Variants in GRIK1 observed in about 807,000 individuals in gnomAD.
GRIK1 encodes glutamate receptor ionotropic, kainate 1.
GRIK1 carries 69 observed loss-of-function variants against 105.7 expected under a neutral mutation model. The observed-to-expected ratio is 0.65, with a 90% CI of 0.54 to 0.80. The LOEUF (loss-of-function observed/expected upper bound fraction) is 0.80. Among genes scored for constraint, GRIK1 ranks in the 30% least tolerant of loss-of-function variants. GRIK1 has a pLI of 0.00. For synonymous variants in GRIK1, 438 were observed against 431.3 expected (o/e 1.02, Z -0.19); for missense variants, 1,109 against 1,167.3 (o/e 0.95, Z 0.73).
chr21:29,839,051 T>TTTC (rs1057161186), intron 1 of GRIK1, among the ~76,000 whole-genome samples: 17 of 151,924 alleles, frequency 1.1e-4, no homozygotes, highest in Middle Eastern at 6.8e-3. Flanking sequence ...TTTCTTTTCT[T>TTTC]TTCTTTTCTT....
intron 1 of GRIK1, among the ~76,000 whole-genome samples, chr21:29,786,420 G>C (rs181906162): frequency 1.3e-5 from 2 of 152,280 alleles, no homozygotes; most frequent in Non-Finnish European, 2.9e-5. Flanking sequence ...CACATTCTCA[G>C]TTTCTGGGGG....
chr21:29,679,335 G>A (rs563081902), intron 3 of GRIK1, among the ~76,000 whole-genome samples: 1 of 152,268 alleles, frequency 6.6e-6, no homozygotes, highest in East Asian at 1.9e-4. Context: ...GTGATGTGTT[G>A]AGAAAAATGA....
intron 3 of GRIK1, among the ~76,000 whole-genome samples, chr21:29,677,694 T>C (rs767109983): frequency 9.2e-5 from 14 of 152,172 alleles, no homozygotes; most frequent in Non-Finnish European, 2.1e-4. Context: ...TGAAGTCTGC[T>C]CCATGCCTTA....
At chr21:29,555,014 A>T (rs878900582) in intron 16 of GRIK1, 38 bp downstream of exon 16, 1 of 1,541,094 alleles carries the variant, frequency 6.5e-7, no homozygotes, top group South Asian at 1.2e-5. Context: ...AGATAATGCA[A>T]ACTATAAACT....
chr21:29,659,466 C>T lies in GRIK1; in HGVS notation c.727-4603G>A, dbSNP rs924332440. 3.9e-5 allele frequency among the ~76,000 whole-genome samples: 6 copies of T among 152,334 alleles called. No homozygotes were observed. In the South Asian group the frequency reaches 1.0e-3, roughly 26 times the overall value. On this transcript the variant is annotated intron_variant, in intron 4 of 17. Coordinates refer to ENST00000327783, the MANE Select transcript of GRIK1 (RefSeq NM_001330994.2). The stretch of plus-strand genomic sequence containing the variant: ...ACCAAAAGACTTAAGCTCCTGCATA[C>T]TTATGAAATTCCATTCCATCTAGAT...
chr21:29,609,955 TA>T (rs2061697590), intron 7 of GRIK1, among the ~76,000 whole-genome samples: 1 of 152,196 alleles, frequency 6.6e-6, no homozygotes, highest in South Asian at 2.1e-4. Flanking sequence ...TTATTACAAA[TA>T]ATACAGATCT....
intron 3 of GRIK1, among the ~76,000 whole-genome samples, chr21:29,676,966 G>A (rs539961064): frequency 1.1e-4 from 17 of 152,188 alleles, no homozygotes; most frequent in African/African-American, 3.6e-4. Context: ...ACATTATTAC[G>A]TTATTGCTAA....
intron 1 of GRIK1, among the ~76,000 whole-genome samples, chr21:29,708,096 T>C (rs993239242): frequency 2.6e-5 from 4 of 152,222 alleles, no homozygotes; most frequent in Admixed American, 2.0e-4. Context: ...GAGCAATTTA[T>C]ATGTGCATCC....
At chr21:29,719,305 A>G (rs1318075603) in intron 1 of GRIK1, among the ~76,000 whole-genome samples, 2 of 151,754 alleles carry the variant, frequency 1.3e-5, no homozygotes, top group Non-Finnish European at 2.9e-5. Flanking sequence ...AAATTTTTCT[A>G]TCTTCAGCTA....
intron 15 of GRIK1, among the ~76,000 whole-genome samples, chr21:29,559,913 A>G (rs1171070325): frequency 6.6e-6 from 1 of 152,026 alleles, no homozygotes; most frequent in Non-Finnish European, 1.5e-5. Context: ...TCTTTTAGGT[A>G]TGTCATGTGG....
intron 14 of GRIK1, among the ~76,000 whole-genome samples, chr21:29,572,620 AACTG>A (rs2090778344): frequency 6.6e-6 from 1 of 152,178 alleles, no homozygotes; most frequent in South Asian, 2.1e-4. Flanking sequence ...ACTCTCATGG[AACTG>A]ACTTTCTAGA....
chr21:29,581,376 T>C (rs768785851), intron 13 of GRIK1, 49 bp downstream of exon 13: 4 of 1,052,634 alleles, frequency 3.8e-6, no homozygotes, highest in South Asian at 2.5e-5. Flanking sequence ...CATGAAAGCC[T>C]GTCAGCACAC....
intron 7 of GRIK1, among the ~76,000 whole-genome samples, chr21:29,606,468 G>A (rs1162899691): frequency 6.6e-6 from 1 of 151,844 alleles, no homozygotes; most frequent in Non-Finnish European, 1.5e-5. Context: ...GTGCCTCTCC[G>A]TCTTTTTACA....
At chr21:29,683,307 C>A in intron 3 of GRIK1, among the ~76,000 whole-genome samples, 1 of 152,096 alleles carries the variant, frequency 6.6e-6, no homozygotes, top group East Asian at 1.9e-4. Context: ...ATCATTCTTC[C>A]AAAAAACCCA....
At chr21:29,785,811 C>T (rs1044585766) in intron 1 of GRIK1, among the ~76,000 whole-genome samples, 4 of 152,130 alleles carry the variant, frequency 2.6e-5, no homozygotes, top group African/African-American at 9.7e-5. Flanking sequence ...GCATCCATTC[C>T]CAAGGCTTTA....
intron 1 of GRIK1, among the ~76,000 whole-genome samples, chr21:29,878,327 C>A (rs2069269184): frequency 6.6e-6 from 1 of 152,068 alleles, no homozygotes; most frequent in Non-Finnish European, 1.5e-5. Flanking sequence ...TATTGAGCAC[C>A]TATTGTATGC....
intron 3 of GRIK1, among the ~76,000 whole-genome samples, chr21:29,684,291 T>TATC (rs2063441308): frequency 6.7e-6 from 1 of 149,250 alleles, no homozygotes; most frequent in Non-Finnish European, 1.5e-5. Flanking sequence ...TCTATCTATC[T>TATC]ATCTATCATC....
chr21:29,562,292 T>G (rs946071674), intron 14 of GRIK1, among the ~76,000 whole-genome samples: 4 of 152,330 alleles, frequency 2.6e-5, no homozygotes, highest in African/African-American at 9.6e-5. Flanking sequence ...GTGAGAGAAC[T>G]GTCATTCACT....
chr21:29,893,000 C>A (rs1044540544), intron 1 of GRIK1, among the ~76,000 whole-genome samples: 2 of 152,260 alleles, frequency 1.3e-5, no homozygotes, highest in East Asian at 3.9e-4. Flanking sequence ...CATGGAGAAA[C>A]CCCACCTCAA....
Sources: allele counts gnomAD v4.1 joint callset (sites outside exome capture counted in the v4.1 genomes callset), GRCh38; gene constraint gnomAD v4.1.1; transcripts MANE v1.5; gene names NCBI Gene and HGNC (gene_info 2026-07-23, HGNC 2026-07-21).